Variants in TLL1 observed in about 807,000 individuals in gnomAD.
The protein encoded by TLL1 is tolloid like 1.
TLL1 carries 49 observed loss-of-function variants against 128.2 expected under a neutral mutation model. The observed-to-expected ratio is 0.38, with a 90% CI of 0.30 to 0.48. The LOEUF is 0.48. TLL1 is among the 20% of genes least tolerant of loss of function. TLL1 has a pLI of 0.96. For synonymous variants in TLL1, 454 were observed against 418.8 expected (o/e 1.08, Z -1.03); for missense variants, 1,123 against 1,242.0 (o/e 0.90, Z 1.44).
At chr4:166,094,866 A>G (rs956234014) in intron 19 of TLL1, among the ~76,000 whole-genome samples, 1 of 152,064 alleles carries the variant, frequency 6.6e-6, no homozygotes, top group South Asian at 2.1e-4. Flanking sequence ...TCAAATATTT[A>G]TTTTGCATCT....
At chr4:166,057,485 A>G (rs1740078368) in intron 14 of TLL1, among the ~76,000 whole-genome samples, 176 bp downstream of exon 14, 1 of 152,250 alleles carries the variant, frequency 6.6e-6, no homozygotes, top group Non-Finnish European at 1.5e-5. Context: ...AATTCTTGTT[A>G]TAGAATGGGT....
At chr4:166,034,565 G>A (rs955314602) in intron 9 of TLL1, among the ~76,000 whole-genome samples, 1 of 152,200 alleles carries the variant, frequency 6.6e-6, no homozygotes, top group South Asian at 2.1e-4. Context: ...ATGGAGAAGA[G>A]TAAAATTAAA....
chr4:165,965,677 A>T (rs1394210578), intron 1 of TLL1, among the ~76,000 whole-genome samples: 2 of 152,228 alleles, frequency 1.3e-5, no homozygotes, highest in Non-Finnish European at 2.9e-5. Flanking sequence ...GTATTCCTGC[A>T]GTTTCCAATA....
At chr4:166,048,774 A>G (rs916831807) in intron 12 of TLL1, among the ~76,000 whole-genome samples, 2 of 152,226 alleles carry the variant, frequency 1.3e-5, no homozygotes, top group Non-Finnish European at 2.9e-5. Context: ...TACCACGTAC[A>G]TTAGTTCAAA....
At chr4:166,048,337 T>C (rs1296054144) in intron 12 of TLL1, among the ~76,000 whole-genome samples, 1 of 151,926 alleles carries the variant, frequency 6.6e-6, no homozygotes, top group Non-Finnish European at 1.5e-5. Flanking sequence ...ACACTGAATC[T>C]GCTAGTGCCT....
intron 1 of TLL1, among the ~76,000 whole-genome samples, chr4:165,975,072 T>A (rs1197710695): frequency 6.6e-6 from 1 of 152,168 alleles, no homozygotes; most frequent in Non-Finnish European, 1.5e-5. Flanking sequence ...AGATGTCTCA[T>A]GTTGGTTGGA....
intron 8 of TLL1, among the ~76,000 whole-genome samples, chr4:166,017,746 G>T (rs1738020441): frequency 6.6e-6 from 1 of 151,778 alleles, no homozygotes; most frequent in African/African-American, 2.4e-5. Context: ...TGTGCATGTG[G>T]ATATATCTGT....
chr4:166,028,641 T>C (rs1738616896), intron 9 of TLL1, among the ~76,000 whole-genome samples: 2 of 152,068 alleles, frequency 1.3e-5, no homozygotes, highest in South Asian at 4.1e-4. Flanking sequence ...TTGTTTTATA[T>C]ATGTTTATGC....
Position 166,091,329 on chromosome 4 carries a change from A to G in TLL1, c.2644A>G (p.Thr882Ala), listed in dbSNP as rs754868186. The G allele has an allele frequency of 6.2e-7, 1 of 1,612,256 alleles. No homozygotes were observed. Among genetic ancestry groups the G allele is most frequent in the Non-Finnish European group, 8.5e-7 (1 of 1,179,056 alleles). The change falls in exon 19 of 21, where the codon ACA (threonine) becomes GCA (alanine). Residue 882 changes from threonine (T) to alanine (A), a missense_variant. Transcript: ENST00000061240. The stretch of plus-strand genomic sequence containing the variant: ...TGTTCAAAGAAAAGGCTTTCAAGCT[A>G]CACATTCTACAGGTCAGCAAATTCA... ...ASVQRKGFQATHSTECGGRLK... is the reference protein window; with the variant it reads ...ASVQRKGFQAAHSTECGGRLK...
chr4:165,898,490 T>C (rs1047610098), intron 1 of TLL1, among the ~76,000 whole-genome samples: 2 of 152,232 alleles, frequency 1.3e-5, no homozygotes, highest in Non-Finnish European at 2.9e-5. Flanking sequence ...GAGATAATCA[T>C]GTGGTTTTTG....
intron 18 of TLL1, among the ~76,000 whole-genome samples, chr4:166,090,685 TATA>T (rs1741726594): frequency 6.6e-6 from 1 of 152,082 alleles, no homozygotes; most frequent in South Asian, 2.1e-4. Context: ...TTTGTAAAAA[TATA>T]ATAATACTTT....
intron 1 of TLL1, among the ~76,000 whole-genome samples, chr4:165,952,557 G>T (rs529130692): frequency 6.6e-6 from 1 of 152,170 alleles, no homozygotes; most frequent in African/African-American, 2.4e-5. Flanking sequence ...GCATCTCACA[G>T]ATTTATTTTT....
chr4:166,023,292 C>T (rs909114487), intron 8 of TLL1, among the ~76,000 whole-genome samples: 5 of 152,052 alleles, frequency 3.3e-5, no homozygotes, highest in Admixed American at 2.0e-4. Context: ...CCCAGCTATT[C>T]GTGAGACTGA....
At chr4:166,057,589 A>C (rs981188282) in intron 14 of TLL1, among the ~76,000 whole-genome samples, 1 of 152,118 alleles carries the variant, frequency 6.6e-6, no homozygotes, top group African/African-American at 2.4e-5. Context: ...ACACATTAGC[A>C]TATTTATTAT....
intron 16 of TLL1, among the ~76,000 whole-genome samples, chr4:166,071,054 G>A (rs893182038): frequency 1.3e-5 from 2 of 151,878 alleles, no homozygotes; most frequent in Non-Finnish European, 2.9e-5. Context: ...TTACTGGATA[G>A]TTTTATGTTG....
At chr4:166,025,968 G>A (rs781737514) in intron 9 of TLL1, among the ~76,000 whole-genome samples, 1 of 151,680 alleles carries the variant, frequency 6.6e-6, no homozygotes. Context: ...TAGAAAAAGA[G>A]CAATAAAATA....
At chr4:166,068,942 A>G (rs1309937038) in intron 16 of TLL1, among the ~76,000 whole-genome samples, 1 of 151,834 alleles carries the variant, frequency 6.6e-6, no homozygotes, top group Admixed American at 6.6e-5. Context: ...CAAACCTGAA[A>G]GTTGCCATAT....
intron 9 of TLL1, among the ~76,000 whole-genome samples, chr4:166,034,105 G>T (rs1269702156): frequency 3.9e-5 from 6 of 152,080 alleles, no homozygotes; most frequent in Non-Finnish European, 8.8e-5. Flanking sequence ...ATCTTTTGAT[G>T]TGTGAAATAA....
chr4:165,882,170 T>A (rs1730993952), intron 1 of TLL1, among the ~76,000 whole-genome samples: 1 of 152,168 alleles, frequency 6.6e-6, no homozygotes, highest in Admixed American at 6.5e-5. Flanking sequence ...CTCCTAGAGA[T>A]AATAGGATCA....
Sources: gnomAD v4.1 joint callset for allele counts (sites outside exome capture counted in the v4.1 genomes callset) on GRCh38, gnomAD v4.1.1 for gene constraint, MANE v1.5 for transcripts, NCBI Gene and HGNC (gene_info 2026-07-23, HGNC 2026-07-21) for gene names.